TEAD1: variants seen among roughly 807,000 people sequenced by gnomAD.
TEAD1 encodes transcriptional enhancer factor TEF-1.
A neutral mutation model predicts 54.9 loss-of-function variants in TEAD1; 9 were observed. The ratio of observed to expected loss-of-function variants is 0.16; its 90% CI spans 0.10 to 0.29. TEAD1 has a LOEUF of 0.29. Ranked by LOEUF, TEAD1 falls within the 10% of genes least tolerant of loss-of-function variation. TEAD1 has a pLI of 1.00. For synonymous variants in TEAD1, 200 were observed against 187.8 expected (o/e 1.07, Z -0.53); for missense variants, 387 against 535.9 (o/e 0.72, Z 2.74).
At position 12,804,190 on chromosome 11, in the gene TEAD1, A is replaced by G. The variant is rs573112587; in HGVS notation, c.202+39756A>G. On this transcript the variant is annotated intron_variant, in intron 3 of 12. Transcript: ENST00000527636. Reference sequence around the variant, plus strand: ...ATATTTCCATTCTTCAGACCTTTTTAAGGAAACTTTATGGGAGCAAGTGCT... The same window carrying G: ...ATATTTCCATTCTTCAGACCTTTTTGAGGAAACTTTATGGGAGCAAGTGCT... 2.6e-5 allele frequency among the ~76,000 whole-genome samples: 4 copies of G among 152,340 alleles called. No homozygotes were observed. In the South Asian group the frequency reaches 8.3e-4, roughly 32 times the overall value.
intron 9 of TEAD1, among the ~76,000 whole-genome samples, chr11:12,893,737 T>C (rs1948248039): frequency 6.6e-6 from 1 of 152,102 alleles, no homozygotes; most frequent in South Asian, 2.1e-4. Flanking sequence ...GAAGGAGGCA[T>C]TCACTTGCTC....
rs758114482 is a variant in TEAD1 at position 12,881,030 on chromosome 11, G to T, written c.491G>T (p.Gly164Val). The change falls in exon 7 of 13, where the codon GGG (glycine) becomes GTG (valine). Residue 164 changes from glycine to valine, a missense_variant. Physicochemically the swap from Gly to Val is moderately radical, Grantham distance 109 (BLOSUM62 -3). This residue lies in a region of TEAD1 where 180 missense variants were observed against 180.6 expected (regional missense o/e 1.00). Coordinates refer to ENST00000527636, the MANE Select transcript of TEAD1 (RefSeq NM_021961.6). ...TTCTGGCCGGGAATGATTCAAACAG[G>T]GCAGCCAGGATCCTCACAAGAGTAA... The T allele has an allele frequency of 5.0e-6, 8 of 1,614,196 alleles. No individual in the cohort carries two copies. Among genetic ancestry groups the T allele is most frequent in the Non-Finnish European group, 6.8e-6 (8 of 1,180,036 alleles).
chr11:12,913,781 C>T (rs11022547), intron 10 of TEAD1, among the ~76,000 whole-genome samples: 25,021 of 152,152 alleles, frequency 0.16, 2,379 homozygotes, highest in Non-Finnish European at 0.22. Context: ...ACTGGGTTCC[C>T]CGTTTTATCT....
At chr11:12,804,502 A>G (rs569704342) in intron 3 of TEAD1, among the ~76,000 whole-genome samples, 207 of 152,382 alleles carry the variant, frequency 1.4e-3, no homozygotes, top group African/African-American at 4.6e-3. Context: ...GCTGAATGCA[A>G]GAACTATGGT....
At chr11:12,799,939 G>A (rs73423702) in intron 3 of TEAD1, among the ~76,000 whole-genome samples, 5,267 of 152,238 alleles carry the variant, frequency 0.035, 329 homozygotes, top group African/African-American at 0.12. Context: ...TTTATCAGAT[G>A]CCACAAGAAA....
chr11:12,765,393 G>A (rs1030271018), intron 3 of TEAD1, among the ~76,000 whole-genome samples: 6 of 152,212 alleles, frequency 3.9e-5, no homozygotes, highest in African/African-American at 1.4e-4. Context: ...AGTCTAAAAA[G>A]ATGCAAACAC....
Position 12,891,068 on chromosome 11 carries a change from A to G in TEAD1, c.699+7943A>G, listed in dbSNP as rs72862727. Among the ~76,000 whole-genome samples, 14 of 152,268 alleles carry G rather than the reference A, an allele frequency of 9.2e-5. No individual in the cohort carries two copies. The East Asian group carries it at 1.5e-3, about 17-fold the overall frequency. On this transcript the variant is annotated intron_variant, in intron 9 of 12. Coordinates refer to ENST00000527636, the MANE Select transcript of TEAD1 (RefSeq NM_021961.6). The stretch of plus-strand genomic sequence containing the variant: ...ATGTGAACCACCATGCACGGCCTCA[A>G]TTAGTTTTTAAAATCAATTAAACTT...
intron 5 of TEAD1, among the ~76,000 whole-genome samples, chr11:12,878,388 C>G (rs1430677563): frequency 6.6e-6 from 1 of 152,132 alleles, no homozygotes; most frequent in East Asian, 1.9e-4. Flanking sequence ...GTGTCTTAGC[C>G]TGAAGCTCCC....
chr11:12,897,239 G>T (rs1948330903), intron 9 of TEAD1, among the ~76,000 whole-genome samples: 1 of 152,098 alleles, frequency 6.6e-6, no homozygotes, highest in African/African-American at 2.4e-5. Context: ...AACTACCACT[G>T]CTGGAGAAGA....
At chr11:12,759,582 G>C (rs766122992) in intron 2 of TEAD1, among the ~76,000 whole-genome samples, 2 of 152,200 alleles carry the variant, frequency 1.3e-5, no homozygotes, top group African/African-American at 2.4e-5. Context: ...AGTATTTCCA[G>C]CTGGGCGCGG....
At chr11:12,697,750 G>A (rs567288163) in intron 2 of TEAD1, among the ~76,000 whole-genome samples, 4 of 152,310 alleles carry the variant, frequency 2.6e-5, no homozygotes, top group Admixed American at 6.5e-5. Context: ...AGGGCTGGGC[G>A]TGGTGGCTCA....
chr11:12,898,423 ATC>A (rs1240209348), intron 9 of TEAD1, among the ~76,000 whole-genome samples: 1 of 148,894 alleles, frequency 6.7e-6, no homozygotes, highest in Non-Finnish European at 1.5e-5. Context: ...GAGACGGAGT[ATC>A]TCTCTGATGC....
chr11:12,819,719 G>C (rs1402702090), intron 3 of TEAD1, among the ~76,000 whole-genome samples: 1 of 152,118 alleles, frequency 6.6e-6, no homozygotes, highest in Non-Finnish European at 1.5e-5. Context: ...CCAAAGTGCT[G>C]GGATTACAGG....
chr11:12,869,321 A>T (rs1002470834), intron 5 of TEAD1, among the ~76,000 whole-genome samples: 1 of 152,088 alleles, frequency 6.6e-6, no homozygotes, highest in African/African-American at 2.4e-5. Context: ...CCAGGGGCCA[A>T]CCCACACCCC....
At chr11:12,921,490 A>C (rs1055081218) in intron 10 of TEAD1, among the ~76,000 whole-genome samples, 2 of 151,138 alleles carry the variant, frequency 1.3e-5, no homozygotes, top group Non-Finnish European at 2.9e-5. Context: ...CGGTGAGCCA[A>C]GATCGTGCCA....
chr11:12,782,234 A>G (rs955655602), intron 3 of TEAD1, among the ~76,000 whole-genome samples: 1 of 152,238 alleles, frequency 6.6e-6, no homozygotes, highest in Non-Finnish European at 1.5e-5. Context: ...CTGCGTAAAT[A>G]AAATGTGGTA....
chr11:12,817,248 C>T (rs996503705), intron 3 of TEAD1, among the ~76,000 whole-genome samples: 8 of 152,182 alleles, frequency 5.3e-5, no homozygotes, highest in Non-Finnish European at 1.2e-4. Flanking sequence ...GCATGCGTAG[C>T]TTGAAATAAT....
At chr11:12,858,064 C>T (rs773956905) in intron 3 of TEAD1, among the ~76,000 whole-genome samples, 19 of 152,126 alleles carry the variant, frequency 1.2e-4, no homozygotes, top group Admixed American at 9.2e-4. Flanking sequence ...GAGATCGTGC[C>T]ACTGCACTCC....
chr11:12,855,698 C>T (rs7102042), intron 3 of TEAD1, among the ~76,000 whole-genome samples: 58,864 of 151,444 alleles, frequency 0.39, 13,104 homozygotes, highest in African/African-American at 0.61. Flanking sequence ...AATCCCAGCA[C>T]TTTGGGAGGC....
Sources: allele counts gnomAD v4.1 joint callset (sites outside exome capture counted in the v4.1 genomes callset), GRCh38; gene constraint gnomAD v4.1.1; regional missense constraint gnomAD v4.1.1; transcripts MANE v1.5; gene names NCBI Gene and HGNC (gene_info 2026-07-23, HGNC 2026-07-21).